Variants in FOXJ3 observed in about 807,000 individuals in gnomAD.
FOXJ3 encodes the protein forkhead box J3.
A neutral mutation model predicts 76.1 loss-of-function variants in FOXJ3; 22 were observed. The ratio of observed to expected loss-of-function variants is 0.29; its 90% confidence interval spans 0.21 to 0.41. The LOEUF (loss-of-function observed/expected upper bound fraction) is 0.41, where lower values mean the gene tolerates loss of function less well. Among genes scored for constraint, FOXJ3 ranks in the 10% least tolerant of loss-of-function variants. The pLI is 1.00. For missense variants in FOXJ3, 613 were observed against 762.1 expected (o/e 0.80, Z 2.30); for synonymous variants, 269 against 261.2 (o/e 1.03, Z -0.29).
intron 1 of FOXJ3, among the ~76,000 whole-genome samples, chr1:42,323,264 T>TA (rs1217913661): frequency 6.6e-6 from 1 of 152,170 alleles, no homozygotes; most frequent in Non-Finnish European, 1.5e-5. Flanking sequence ...CTAAATGACT[T>TA]AAAGTGTTCA....
intron 4 of FOXJ3, among the ~76,000 whole-genome samples, chr1:42,263,307 A>G (rs1651204687): frequency 6.6e-6 from 1 of 152,138 alleles, no homozygotes. Flanking sequence ...ATTTTTTTTA[A>G]TTATTTCAAA....
intron 4 of FOXJ3, among the ~76,000 whole-genome samples, chr1:42,262,330 G>A (rs1651108109): frequency 6.6e-6 from 1 of 152,184 alleles, no homozygotes; most frequent in Non-Finnish European, 1.5e-5. Context: ...CAATGAACCT[G>A]AGCAAGCTGT....
intron 1 of FOXJ3, among the ~76,000 whole-genome samples, chr1:42,325,436 T>C (rs1655771788): frequency 6.6e-6 from 1 of 152,226 alleles, no homozygotes; most frequent in Non-Finnish European, 1.5e-5. Flanking sequence ...AGGACATCTC[T>C]GATTTTTCTC....
intron 4 of FOXJ3, among the ~76,000 whole-genome samples, chr1:42,248,730 CTTTTTTTTTTTTTTTTTTTTTTTTTT>C (rs1649758270): frequency 1.1e-5 from 1 of 92,192 alleles, no homozygotes; most frequent in African/African-American, 4.0e-5. Flanking sequence ...CCTGTTTTTT[CTTTTTTTTTTTTTTTTTTTTTTTTTT>C]AAGTTCCAGG....
rs910921752 is a variant in FOXJ3 at position 42,237,378 on chromosome 1, A to G, written c.445-9412T>C. Among the ~76,000 whole-genome samples, 5 of 138,874 alleles carry G rather than the reference A, an allele frequency of 3.6e-5. No individual in the cohort carries two copies. The Admixed American group carries it at 3.8e-4, about 11-fold the overall frequency. The allele number at this position is 138,874 out of a possible 152,430, so 91.1% of individuals were successfully genotyped here. A position where few individuals can be genotyped will look rare whatever the true frequency, so the allele number is the denominator to read the frequency against. On this transcript the variant is annotated intron_variant, in intron 4 of 12. Transcript: ENST00000361346. ...CAACAGGGCAAGACTCCATCTCAAA[A>G]AATATATATATATACATACATACAT... is the stretch of plus-strand genomic sequence containing the variant.
chr1:42,228,774 T>C (rs553075502), intron 4 of FOXJ3, among the ~76,000 whole-genome samples: 33 of 151,762 alleles, frequency 2.2e-4, no homozygotes, highest in African/African-American at 7.7e-4. Context: ...CACACACACA[T>C]GGGGGAGGAA....
At chr1:42,287,633 G>C (rs1172585358) in intron 2 of FOXJ3, among the ~76,000 whole-genome samples, 1 of 151,910 alleles carries the variant, frequency 6.6e-6, no homozygotes, top group Non-Finnish European at 1.5e-5. Context: ...ATAAAACTGG[G>C]TTCTGAATTT....
chr1:42,235,039 G>A (rs1648489905), intron 4 of FOXJ3, among the ~76,000 whole-genome samples: 1 of 152,158 alleles, frequency 6.6e-6, no homozygotes, highest in Admixed American at 6.5e-5. Context: ...CTTGAGCTGT[G>A]GTGGGCTCCA....
chr1:42,273,699 C>T (rs1652042565), intron 3 of FOXJ3, among the ~76,000 whole-genome samples: 1 of 123,370 alleles, frequency 8.1e-6, no homozygotes, highest in Non-Finnish European at 1.7e-5. Flanking sequence ...AAAAAAATTG[C>T]AGAAAAGAGG....
chr1:42,238,796 G>C (rs1570003031), intron 4 of FOXJ3, among the ~76,000 whole-genome samples: 1 of 152,156 alleles, frequency 6.6e-6, no homozygotes, highest in Non-Finnish European at 1.5e-5. Context: ...TCCTGTCTCA[G>C]CCTCCCAAAG....
chr1:42,179,203 A>G lies in FOXJ3; in HGVS notation c.*507T>C, dbSNP rs1245469396. On this transcript the variant is annotated 3_prime_UTR_variant, in exon 13 of 13. Transcript: ENST00000361346. ...AAATAAGGGGAACTGGGTTTTGGAA[A>G]AAATCTATTTCCTTTCAGTTTCCTA... The G allele has an allele frequency of 2.0e-5, 3 of 152,698 alleles. No individual in the cohort carries two copies. Among genetic ancestry groups the G allele is most frequent in the African/African-American group, 7.2e-5 (3 of 41,470 alleles). The allele number at this position is 152,698 out of a possible 1,614,324, so 9.5% of individuals were successfully genotyped here.
chr1:42,249,498 C>G (rs1161386653), intron 4 of FOXJ3, among the ~76,000 whole-genome samples: 1 of 152,138 alleles, frequency 6.6e-6, no homozygotes, highest in Non-Finnish European at 1.5e-5. Flanking sequence ...ACCTACTGAT[C>G]AAAAATCAAA....
In FOXJ3 at chr1:42,279,673, T is replaced by C. The variant is rs1652552972; in HGVS notation, c.45-1001A>G. 2.6e-5 allele frequency among the ~76,000 whole-genome samples: 4 copies of C among 152,102 alleles called. No individual in the cohort carries two copies. The South Asian group carries it at 8.3e-4, about 32-fold the overall frequency. On this transcript the variant is annotated intron_variant, in intron 2 of 12. Transcript: ENST00000361346. ...CAAGGCTTGACACTTCACATTGGAA[T>C]TGTTAACTTTCAGCAGAGGACATAA... is the stretch of plus-strand genomic sequence containing the variant.
intron 4 of FOXJ3, among the ~76,000 whole-genome samples, chr1:42,230,679 CA>C (rs1332642205): frequency 6.6e-6 from 1 of 152,092 alleles, no homozygotes; most frequent in African/African-American, 2.4e-5. Flanking sequence ...ATTTGTATTT[CA>C]AATTTTCAGA....
At chr1:42,293,821 T>C (rs1443084304) in intron 2 of FOXJ3, among the ~76,000 whole-genome samples, 1 of 152,092 alleles carries the variant, frequency 6.6e-6, no homozygotes, top group African/African-American at 2.4e-5. Flanking sequence ...TCCATATATA[T>C]GTGAGACTGG....
At chr1:42,198,968 C>G (rs1197230050) in intron 7 of FOXJ3, 134 bp downstream of exon 7, 1 of 651,918 alleles carries the variant, frequency 1.5e-6, no homozygotes, top group African/African-American at 1.8e-5. Context: ...TAATTTTGAT[C>G]TACTTACTAA....
intron 2 of FOXJ3, among the ~76,000 whole-genome samples, chr1:42,309,372 C>A (rs928698578): frequency 2.6e-5 from 4 of 152,192 alleles, no homozygotes; most frequent in African/African-American, 9.7e-5. Flanking sequence ...TACCACTTAT[C>A]CAATATATGG....
At chr1:42,231,098 A>G (rs949984617) in intron 4 of FOXJ3, among the ~76,000 whole-genome samples, 14 of 152,124 alleles carry the variant, frequency 9.2e-5, no homozygotes, top group African/African-American at 2.7e-4. Context: ...GCGGATCACA[A>G]GGTCAGGAGA....
chr1:42,273,559 C>T (rs1369490405), intron 3 of FOXJ3, among the ~76,000 whole-genome samples: 3 of 151,314 alleles, frequency 2.0e-5, no homozygotes, highest in African/African-American at 7.3e-5. Flanking sequence ...CCTATAGTCC[C>T]TGCTACTCGG....
Sources: gnomAD v4.1 joint callset for allele counts (sites outside exome capture counted in the v4.1 genomes callset) on GRCh38, gnomAD v4.1.1 for gene constraint, MANE v1.5 for transcripts, NCBI Gene and HGNC (gene_info 2026-07-23, HGNC 2026-07-21) for gene names.